BTBD9: variants seen among roughly 807,000 people sequenced by gnomAD.
BTBD9 encodes BTB domain containing 9.
Under a neutral mutation model 64.3 loss-of-function variants are expected in BTBD9, and 49 were observed. That is an observed-to-expected ratio of 0.76 (90% confidence interval 0.61 to 0.97). The LOEUF is 0.97. BTBD9 is among the 50% of genes least tolerant of loss of function. The probability of loss-of-function intolerance (pLI) is 0.00; values close to 1 mark genes in which losing one functional copy is unlikely to be tolerated. For missense variants in BTBD9, 598 were observed against 762.1 expected (o/e 0.78, Z 2.53); for synonymous variants, 260 against 274.7 (o/e 0.95, Z 0.53).
intron 4 of BTBD9, chr6:38,587,175 GGTCA>G (rs1776573381): frequency 1.2e-5 from 2 of 173,214 alleles, no homozygotes; most frequent in African/African-American, 2.4e-5. Flanking sequence ...GCAACCGAGG[GGTCA>G]GTGACCACAG....
intron 7 of BTBD9, among the ~76,000 whole-genome samples, chr6:38,313,575 C>T (rs1762924292): frequency 6.6e-6 from 1 of 151,982 alleles, no homozygotes; most frequent in South Asian, 2.1e-4. Context: ...GTTTCTTGAA[C>T]TTTATCATAA....
chr6:38,605,633 C>T (rs1173800903), intron 1 of BTBD9, among the ~76,000 whole-genome samples: 2 of 151,984 alleles, frequency 1.3e-5, no homozygotes, highest in Admixed American at 6.5e-5. Context: ...GGCAACATAG[C>T]AAGACCCCTT....
intron 9 of BTBD9, among the ~76,000 whole-genome samples, chr6:38,197,432 T>G (rs1355432347): frequency 1.3e-5 from 2 of 152,144 alleles, no homozygotes; most frequent in Non-Finnish European, 2.9e-5. Flanking sequence ...GTCCCCTGGG[T>G]TTTATTTTCC....
At chr6:38,370,047 T>A (rs1202228072) in intron 6 of BTBD9, among the ~76,000 whole-genome samples, 1 of 152,236 alleles carries the variant, frequency 6.6e-6, no homozygotes, top group African/African-American at 2.4e-5. Flanking sequence ...GGCCTGACCA[T>A]CTTTCCTTCC....
chr6:38,354,355 G>A (rs933882178), intron 6 of BTBD9, among the ~76,000 whole-genome samples: 6 of 152,040 alleles, frequency 3.9e-5, no homozygotes, highest in Admixed American at 2.0e-4. Context: ...CCCATACTCC[G>A]TACACTCATA....
intron 6 of BTBD9, among the ~76,000 whole-genome samples, chr6:38,403,990 T>C (rs1767058299): frequency 6.6e-6 from 1 of 152,182 alleles, no homozygotes; most frequent in African/African-American, 2.4e-5. Context: ...AAAGGCCACA[T>C]ATTGTATGAT....
At chr6:38,550,382 T>C (rs1774744764) in intron 6 of BTBD9, among the ~76,000 whole-genome samples, 1 of 151,184 alleles carries the variant, frequency 6.6e-6, no homozygotes. Flanking sequence ...AGTGGTGTGA[T>C]CTCGGCTCAC....
At chr6:38,223,131 T>C (rs895996788) in intron 9 of BTBD9, among the ~76,000 whole-genome samples, 5 of 152,112 alleles carry the variant, frequency 3.3e-5, no homozygotes, top group African/African-American at 1.2e-4. Flanking sequence ...GGTCTTGAAC[T>C]CCTGACCTCA....
At chr6:38,464,697 A>G (rs1770262708) in intron 6 of BTBD9, among the ~76,000 whole-genome samples, 2 of 152,004 alleles carry the variant, frequency 1.3e-5, no homozygotes, top group Admixed American at 1.3e-4. Context: ...GGTTTCACCA[A>G]GTTGGCCAGG....
intron 6 of BTBD9, among the ~76,000 whole-genome samples, chr6:38,547,010 T>C (rs898388003): frequency 1.3e-5 from 2 of 152,178 alleles, no homozygotes; most frequent in Non-Finnish European, 2.9e-5. Context: ...ACCATTGTAA[T>C]TGTATCTGGG....
chr6:38,419,391 A>T (rs1422365283), intron 6 of BTBD9, among the ~76,000 whole-genome samples: 1 of 152,246 alleles, frequency 6.6e-6, no homozygotes, highest in Non-Finnish European at 1.5e-5. Context: ...TATAAACGAT[A>T]TCTCAATAAA....
Position 38,343,945 on chromosome 6 carries a change from T to C in BTBD9, c.1264+1039A>G, listed in dbSNP as rs139721478. Among the ~76,000 whole-genome samples the C allele has an allele frequency of 9.8e-4, 149 of 152,340 alleles. 3 individuals are homozygous for C. The East Asian group carries it at 0.015, about 15-fold the overall frequency. On this transcript the variant is annotated intron_variant, in intron 7 of 10. Coordinates refer to ENST00000481247, the MANE Select transcript of BTBD9 (RefSeq NM_001099272.2). ...CAAGTTACACTCATCTTTCCCATTA[T>C]AGTTATTCCCATGCTTTTAGGTCAG... is the stretch of plus-strand genomic sequence containing the variant.
intron 6 of BTBD9, among the ~76,000 whole-genome samples, chr6:38,367,799 C>CAAAAAAAAAAA (rs575025737): frequency 1.2e-4 from 10 of 84,324 alleles, no homozygotes; most frequent in Non-Finnish European, 2.1e-4. Flanking sequence ...CCAGAAATGG[C>CAAAAAAAAAAA]AAAAAAAAAA....
chr6:38,489,717 T>G (rs1174456178), intron 6 of BTBD9, among the ~76,000 whole-genome samples: 1 of 151,954 alleles, frequency 6.6e-6, no homozygotes, highest in Non-Finnish European at 1.5e-5. Context: ...ATGGTTTCTC[T>G]TTGTTTCACA....
intron 9 of BTBD9, among the ~76,000 whole-genome samples, chr6:38,242,944 C>T (rs1561917572): frequency 6.6e-6 from 1 of 152,214 alleles, no homozygotes; most frequent in Non-Finnish European, 1.5e-5. Context: ...AAGTTATATG[C>T]ATGCCAATTA....
intron 6 of BTBD9, among the ~76,000 whole-genome samples, chr6:38,424,530 T>C (rs1195153738): frequency 1.3e-5 from 2 of 152,016 alleles, no homozygotes; most frequent in African/African-American, 4.8e-5. Context: ...TTTTTTATTC[T>C]TTTTGAGATG....
chr6:38,263,166 C>A (rs1039546541), intron 8 of BTBD9, among the ~76,000 whole-genome samples: 1 of 152,182 alleles, frequency 6.6e-6, no homozygotes, highest in South Asian at 2.1e-4. Context: ...ACAGTATATT[C>A]TTTGGTAAAG....
intron 6 of BTBD9, among the ~76,000 whole-genome samples, chr6:38,520,122 GA>G (rs1290014501): frequency 2.6e-5 from 4 of 151,114 alleles, no homozygotes; most frequent in Admixed American, 6.6e-5. Context: ...TTTGTAAAAA[GA>G]AAAAAACTGA....
At chr6:38,458,265 G>A (rs1002185368) in intron 6 of BTBD9, among the ~76,000 whole-genome samples, 2 of 152,178 alleles carry the variant, frequency 1.3e-5, no homozygotes, top group Non-Finnish European at 2.9e-5. Flanking sequence ...TGCAAAATGA[G>A]TTCTTTCATT....
Sources: gnomAD v4.1 joint callset for allele counts (sites outside exome capture counted in the v4.1 genomes callset) on GRCh38, gnomAD v4.1.1 for gene constraint, MANE v1.5 for transcripts, NCBI Gene and HGNC (gene_info 2026-07-23, HGNC 2026-07-21) for gene names.